Variants in FAR2 observed in about 807,000 individuals in gnomAD.
FAR2 encodes fatty acyl-CoA reductase 2.
Under a neutral mutation model 56.0 loss-of-function variants are expected in FAR2, and 19 were observed. The observed-to-expected ratio is 0.34, with a 90% confidence interval of 0.24 to 0.50. The LOEUF is 0.50. Among genes scored for constraint, FAR2 ranks in the 20% least tolerant of loss-of-function variants. The pLI is 0.98. For missense variants in FAR2, 508 were observed against 642.2 expected, an observed-to-expected ratio of 0.79 and a Z score of 2.26; for synonymous variants, 219 against 218.8, an observed-to-expected ratio of 1.00 and a Z score of -0.01.
At chr12:29,159,078 C>A (rs1449724892) in intron 1 of FAR2, among the ~76,000 whole-genome samples, 3 of 152,160 alleles carry the variant, frequency 2.0e-5, no homozygotes. Flanking sequence ...ACTCTTTGAG[C>A]AATATTTGGC....
At chr12:29,189,847 A>T (rs1472374152) in intron 1 of FAR2, among the ~76,000 whole-genome samples, 1 of 152,208 alleles carries the variant, frequency 6.6e-6, no homozygotes, top group East Asian at 1.9e-4. Flanking sequence ...GGCTGTTGTC[A>T]TCTAGGCAAG....
At chr12:29,199,795 T>C (rs1190887644) in intron 1 of FAR2, among the ~76,000 whole-genome samples, 2 of 152,128 alleles carry the variant, frequency 1.3e-5, no homozygotes, top group Admixed American at 1.3e-4. Flanking sequence ...ACTTTATAGA[T>C]TGATCTTATG....
At chr12:29,210,228 ATTAG>A (rs1055070556) in intron 1 of FAR2, among the ~76,000 whole-genome samples, 1 of 152,188 alleles carries the variant, frequency 6.6e-6, no homozygotes, top group African/African-American at 2.4e-5. Context: ...TTAAATATTT[ATTAG>A]TTAATTAGTT....
rs563192865 is a variant in FAR2 at position 29,295,132 on chromosome 12, G to T, written c.365+1657G>T. ...CTGTTGCCCAGGCTGGAGTGCATTG[G>T]CGTGATCTTGGCTCACTGCAACCTC... On this transcript the variant is annotated intron_variant, in intron 3 of 11. Transcript: ENST00000536681. 2.0e-5 allele frequency among the ~76,000 whole-genome samples: 3 copies of T among 152,112 alleles called. No individual in the cohort carries two copies. In the East Asian group the frequency reaches 5.8e-4, roughly 29 times the overall value.
intron 1 of FAR2, among the ~76,000 whole-genome samples, chr12:29,257,017 G>A (rs1236844924): frequency 4.6e-5 from 7 of 152,254 alleles, no homozygotes; most frequent in Admixed American, 4.6e-4. Context: ...CCCAAGGACT[G>A]AGGAGTGCGG....
In FAR2 at chr12:29,334,048, G is replaced by T; in HGVS notation, c.*254G>T. The T allele has an allele frequency of 3.0e-6, 1 of 328,898 alleles. No individual in the cohort carries two copies. Among genetic ancestry groups the T allele is most frequent in the Non-Finnish European group, 5.5e-6 (1 of 181,026 alleles). The allele number at this position is 328,898 out of a possible 1,614,324, so 20.4% of individuals were successfully genotyped here. A position where few individuals can be genotyped will look rare whatever the true frequency, so the allele number is the denominator to read the frequency against. On this transcript the variant is annotated 3_prime_UTR_variant, in exon 12 of 12. Transcript: ENST00000536681. ...TCCTAACATTCTATTTTATGCCCTT[G>T]CGTATTAAACGTGAAAGTACTCCCA...
intron 1 of FAR2, among the ~76,000 whole-genome samples, chr12:29,200,495 CT>C (rs1947394157): frequency 6.6e-6 from 1 of 152,214 alleles, no homozygotes; most frequent in African/African-American, 2.4e-5. Flanking sequence ...GGGATGCTCT[CT>C]CTCTCCTACC....
intron 9 of FAR2, among the ~76,000 whole-genome samples, chr12:29,320,714 A>G (rs1012347652): frequency 7.2e-5 from 11 of 152,382 alleles, no homozygotes; most frequent in Non-Finnish European, 1.6e-4. Context: ...ATGGAGATAC[A>G]TAATATACAT....
chr12:29,210,877 C>T (rs991899513), intron 1 of FAR2, among the ~76,000 whole-genome samples: 7 of 151,824 alleles, frequency 4.6e-5, no homozygotes, highest in African/African-American at 1.2e-4. Context: ...ACCCGGGATG[C>T]GGAGGCTGCA....
chr12:29,170,467 C>A (rs1026448083), intron 1 of FAR2, among the ~76,000 whole-genome samples: 1 of 152,210 alleles, frequency 6.6e-6, no homozygotes, highest in Admixed American at 6.5e-5. Flanking sequence ...ACGGAGAAGA[C>A]CTTCAATTAT....
At chr12:29,242,322 C>G (rs1299387154) in intron 1 of FAR2, among the ~76,000 whole-genome samples, 1 of 152,182 alleles carries the variant, frequency 6.6e-6, no homozygotes, top group Non-Finnish European at 1.5e-5. Flanking sequence ...GGAGTTTACC[C>G]AGTCCTCTCA....
intron 2 of FAR2, among the ~76,000 whole-genome samples, chr12:29,279,266 C>T (rs1217860396): frequency 6.6e-6 from 1 of 152,206 alleles, no homozygotes. Flanking sequence ...CAGACCAGGC[C>T]AAGGCCCTTT....
At chr12:29,290,648 A>C (rs1948950184) in intron 2 of FAR2, among the ~76,000 whole-genome samples, 2 of 152,226 alleles carry the variant, frequency 1.3e-5, no homozygotes, top group Admixed American at 1.3e-4. Flanking sequence ...GTACATATAC[A>C]CAATGGAGTA....
chr12:29,208,089 G>A (rs926810241), intron 1 of FAR2, among the ~76,000 whole-genome samples: 6 of 152,210 alleles, frequency 3.9e-5, no homozygotes, highest in African/African-American at 1.4e-4. Context: ...GTCAGTTTGT[G>A]TATTAGTATT....
intron 1 of FAR2, among the ~76,000 whole-genome samples, chr12:29,228,152 AAAG>A (rs1048824996): frequency 2.0e-5 from 3 of 152,060 alleles, no homozygotes; most frequent in Non-Finnish European, 4.4e-5. Context: ...AAAAAAAAAA[AAAG>A]AAGTAGGTTC....
chr12:29,228,463 A>T (rs1377246439), intron 1 of FAR2, among the ~76,000 whole-genome samples: 2 of 152,200 alleles, frequency 1.3e-5, no homozygotes, highest in East Asian at 3.8e-4. Flanking sequence ...ACTTGTCATA[A>T]GATTGATTAT....
rs1365196107 is a variant in FAR2 at position 29,291,111 on chromosome 12, A to G, written c.190-2189A>G. Among the ~76,000 whole-genome samples, 3 of 152,160 alleles carry G rather than the reference A, an allele frequency of 2.0e-5. No homozygotes were observed. The East Asian group carries it at 5.8e-4, about 29-fold the overall frequency. On this transcript the variant is annotated intron_variant, in intron 2 of 11. Coordinates refer to ENST00000536681, the MANE Select transcript of FAR2 (RefSeq NM_001271783.2). ...AAAACATCTCATGTACCCCATAAAT[A>G]TATATACCTACTATGTACCCACAGA...
chr12:29,220,795 G>A (rs1424891577), intron 1 of FAR2, among the ~76,000 whole-genome samples: 1 of 152,076 alleles, frequency 6.6e-6, no homozygotes, highest in Non-Finnish European at 1.5e-5. Context: ...AAGAGTGAAC[G>A]TTTATTTAAA....
intron 1 of FAR2, among the ~76,000 whole-genome samples, chr12:29,229,096 C>T (rs1244781283): frequency 6.6e-6 from 1 of 152,098 alleles, no homozygotes; most frequent in Non-Finnish European, 1.5e-5. Context: ...CTGTCTTCCC[C>T]GCTGAGTATG....
Sources: gnomAD v4.1 joint callset for allele counts (sites outside exome capture counted in the v4.1 genomes callset) on GRCh38, gnomAD v4.1.1 for gene constraint, MANE v1.5 for transcripts, NCBI Gene and HGNC (gene_info 2026-07-23, HGNC 2026-07-21) for gene names.